The following PKIG variants were observed in gnomAD, a reference collection of about 807,000 sequenced individuals.
The protein encoded by PKIG is protein kinase (cAMP-dependent, catalytic) inhibitor gamma.
Under a neutral mutation model 6.8 loss-of-function variants are expected in PKIG, and 1 was observed. The observed-to-expected ratio is 0.15, with a 90% CI of 0.05 to 0.69. The LOEUF is 0.69. Among genes scored for constraint, PKIG ranks in the 30% least tolerant of loss-of-function variants. The probability of loss-of-function intolerance (pLI) is 0.82; values close to 1 mark genes in which losing one functional copy is unlikely to be tolerated. For missense variants in PKIG, 77 were observed against 104.0 expected (o/e 0.74, Z 1.13); for synonymous variants, 39 against 43.0 (o/e 0.91, Z 0.36).
In PKIG at chr20:44,618,782, T is replaced by C. The variant is rs1281510043; in HGVS notation, c.*418T>C. The C allele has an allele frequency of 6.2e-6, 1 of 161,796 alleles. No individual in the cohort carries two copies. The highest frequency in any genetic ancestry group is 1.4e-5 in the Non-Finnish European group (1 of 73,472). 10.0% of individuals were successfully genotyped at this position (161,796 alleles called of 1,614,324 possible). A position where few individuals can be genotyped will look rare whatever the true frequency, so the allele number is the denominator to read the frequency against. On this transcript the variant is annotated 3_prime_UTR_variant, in exon 4 of 4. Transcript: ENST00000372886. ...GGTCCAGACCTGCTTGTCCCTTTTT[T>C]AGAAAACACTTTTAAACTTTTTAAA...
In PKIG at chr20:44,570,760, A is replaced by G. The variant is rs115208291; in HGVS notation, c.-240-11825A>G. On this transcript the variant is annotated intron_variant, in intron 1 of 4. Coordinates refer to the PKIG transcript ENST00000372887. ...AGTAAAGAAATGAATGAACAACAAA[A>G]AAAAGTGGTGCTGTATGGACGCTTA... Among the ~76,000 whole-genome samples the G allele has an allele frequency of 3.9e-5, 6 of 152,218 alleles. No individual in the cohort carries two copies. The East Asian group carries it at 1.2e-3, about 29-fold the overall frequency.
intron 1 of PKIG, among the ~76,000 whole-genome samples, chr20:44,555,735 C>T (rs1310646699): frequency 6.6e-6 from 1 of 152,166 alleles, no homozygotes; most frequent in African/African-American, 2.4e-5. Context: ...TTTTTGTCCA[C>T]TTGCTAGGGA....
intron 2 of PKIG, among the ~76,000 whole-genome samples, chr20:44,603,735 G>A (rs2065141383): frequency 6.6e-6 from 1 of 152,160 alleles, no homozygotes; most frequent in Admixed American, 6.5e-5. Context: ...AATTGAACAG[G>A]TATTTGCCCT....
intron 2 of PKIG, among the ~76,000 whole-genome samples, chr20:44,607,127 C>T (rs1279998645): frequency 2.0e-5 from 3 of 152,212 alleles, no homozygotes. Context: ...GTGGCAATTC[C>T]ACTTTTATAG....
intron 1 of PKIG, among the ~76,000 whole-genome samples, chr20:44,536,348 C>CT (rs2064512122): frequency 1.3e-5 from 2 of 152,090 alleles, no homozygotes; most frequent in Admixed American, 1.3e-4. Flanking sequence ...CCTAATTTTC[C>CT]TTTTTTATGA....
chr20:44,557,520 CAAAAAAAAA>C (rs3091847), intron 1 of PKIG, among the ~76,000 whole-genome samples: 1 of 63,548 alleles, frequency 1.6e-5, no homozygotes, highest in African/African-American at 5.5e-5. Flanking sequence ...TGACAGGTGA[CAAAAAAAAA>C]AAAAAAAAAG....
intron 1 of PKIG, chr20:44,564,179 T>C (rs2064791195): frequency 6.6e-6 from 1 of 152,184 alleles, no homozygotes; most frequent in Non-Finnish European, 1.5e-5. Flanking sequence ...ACCTCGCTTT[T>C]CTCAGTCAGA....
At chr20:44,557,579 G>A (rs1340691881) in intron 1 of PKIG, among the ~76,000 whole-genome samples, 1 of 148,320 alleles carries the variant, frequency 6.7e-6, no homozygotes, top group East Asian at 2.0e-4. Flanking sequence ...CCAACACTTT[G>A]GGAGGCTGAG....
Position 44,606,545 on chromosome 20 carries a change from A to G in PKIG, c.-23-7989A>G, listed in dbSNP as rs375873146. 2.5e-4 allele frequency among the ~76,000 whole-genome samples: 38 copies of G among 152,270 alleles called. No individual in the cohort carries two copies. The East Asian group carries it at 6.8e-3, about 27-fold the overall frequency. ...GGCTTGAGGCCAGGCATGGTGGCTC[A>G]CGCTTGTAATCTCAGCACTTTGGGA... On this transcript the variant is annotated intron_variant, in intron 2 of 3. Transcript: ENST00000372886.
intron 2 of PKIG, among the ~76,000 whole-genome samples, chr20:44,610,500 T>TCACACACACACACACACGCACACACA (rs2065207831): frequency 7.4e-6 from 1 of 135,422 alleles, no homozygotes; most frequent in South Asian, 2.3e-4. Context: ...TCTCTCTCTC[T>TCACACACACACACACACGCACACACA]CACACACACA....
chr20:44,576,022 C>T (rs371214812), intron 1 of PKIG, among the ~76,000 whole-genome samples: 10 of 152,026 alleles, frequency 6.6e-5, no homozygotes, highest in African/African-American at 1.2e-4. Flanking sequence ...TTCTATCTTC[C>T]GGAAATTATT....
rs540642508 is a variant in PKIG at position 44,582,579 on chromosome 20, A to G, written c.-246A>G. 1 of 152,534 alleles carries G rather than the reference A, an allele frequency of 6.6e-6. No individual in the cohort carries two copies. Among genetic ancestry groups the G allele is most frequent in the East Asian group, 1.9e-4 (1 of 5,320 alleles). 9.4% of individuals were successfully genotyped at this position (152,534 alleles called of 1,614,324 possible). On this transcript the variant is annotated 5_prime_UTR_variant, in exon 1 of 4. Transcript: ENST00000372886. ...CCACTAAAACCTCAAAGTGCTTTTC[A>G]TTTAGGAGACACGGGGAAGAGACAG...
intron 2 of PKIG, among the ~76,000 whole-genome samples, chr20:44,595,042 CTT>C (rs1419472657): frequency 2.0e-5 from 3 of 151,264 alleles, no homozygotes; most frequent in African/African-American, 7.4e-5. Flanking sequence ...TCCCAGGACT[CTT>C]TTTCTGGCCA....
At chr20:44,603,792 T>TCATG (rs1473734740) in intron 2 of PKIG, among the ~76,000 whole-genome samples, 1 of 152,104 alleles carries the variant, frequency 6.6e-6, no homozygotes, top group Admixed American at 6.5e-5. Context: ...TGGAGATAGG[T>TCATG]CATGGGCTGT....
At chr20:44,566,529 A>G (rs542945572) in intron 1 of PKIG, among the ~76,000 whole-genome samples, 1 of 152,288 alleles carries the variant, frequency 6.6e-6, no homozygotes, top group Non-Finnish European at 1.5e-5. Flanking sequence ...ATTCTATTCT[A>G]TACCGTTTCA....
upstream of PKIG, among the ~76,000 whole-genome samples, chr20:44,581,229 C>T (rs2064945560): frequency 6.6e-6 from 1 of 152,180 alleles, no homozygotes; most frequent in Admixed American, 6.5e-5. Context: ...AATGTAGCCT[C>T]ATAGCACTTA....
chr20:44,598,040 A>G (rs1248908927), intron 2 of PKIG, among the ~76,000 whole-genome samples: 1 of 152,110 alleles, frequency 6.6e-6, no homozygotes, highest in Non-Finnish European at 1.5e-5. Flanking sequence ...TCTGGCTTGG[A>G]TCTTTTATGC....
At chr20:44,562,186 A>G (rs1050184365) in intron 1 of PKIG, among the ~76,000 whole-genome samples, 1 of 152,158 alleles carries the variant, frequency 6.6e-6, no homozygotes, top group Admixed American at 6.5e-5. Flanking sequence ...AGTATAAAGC[A>G]AATGTATAGC....
chr20:44,598,388 G>A (rs535934906), intron 2 of PKIG, among the ~76,000 whole-genome samples: 2 of 152,320 alleles, frequency 1.3e-5, no homozygotes, highest in East Asian at 1.9e-4. Context: ...TCTACCTCCC[G>A]AGAGGAGGAA....
Sources: gnomAD v4.1 joint callset for allele counts (sites outside exome capture counted in the v4.1 genomes callset) on GRCh38, gnomAD v4.1.1 for gene constraint, MANE v1.5 for transcripts, NCBI Gene and HGNC (gene_info 2026-07-23, HGNC 2026-07-21) for gene names.